The following PDE3A variants were observed in gnomAD, a reference collection of about 807,000 sequenced individuals.
PDE3A encodes phosphodiesterase 3A.
A neutral mutation model predicts 98.3 loss-of-function variants in PDE3A; 43 were observed. That is an observed-to-expected ratio of 0.44 (90% CI 0.34 to 0.56). The LOEUF (loss-of-function observed/expected upper bound fraction) is 0.56, where lower values mean the gene tolerates loss of function less well. Among genes scored for constraint, PDE3A ranks in the 20% least tolerant of loss-of-function variants. The probability of loss-of-function intolerance (pLI) is 0.01; values close to 1 mark genes in which losing one functional copy is unlikely to be tolerated. For missense variants in PDE3A, 1,427 were observed against 1,440.7 expected (o/e 0.99, Z 0.15); for synonymous variants, 663 against 567.9 (o/e 1.17, Z -2.38).
intron 2 of PDE3A, among the ~76,000 whole-genome samples, chr12:20,580,522 A>C (rs1943038331): frequency 6.6e-6 from 1 of 152,174 alleles, no homozygotes; most frequent in African/African-American, 2.4e-5. Context: ...AAAAGTCATA[A>C]CCACACTGGT....
At chr12:20,578,979 A>T (rs1943003530) in intron 2 of PDE3A, among the ~76,000 whole-genome samples, 1 of 152,096 alleles carries the variant, frequency 6.6e-6, no homozygotes, top group Non-Finnish European at 1.5e-5. Flanking sequence ...TATGCTAATA[A>T]CTACACCATC....
At chr12:20,645,183 C>G (rs67010489) in intron 10 of PDE3A, among the ~76,000 whole-genome samples, 66,215 of 151,918 alleles carry the variant, frequency 0.44, 14,654 homozygotes, top group South Asian at 0.56. Flanking sequence ...GCCACTGCAC[C>G]TGGCCAGAGT....
At chr12:20,409,358 A>G (rs1159038927) in intron 1 of PDE3A, among the ~76,000 whole-genome samples, 1 of 152,102 alleles carries the variant, frequency 6.6e-6, no homozygotes, top group East Asian at 1.9e-4. Flanking sequence ...TTTCTAGAAA[A>G]CTGTATTTCT....
chr12:20,568,842 G>T (rs1393232716), intron 2 of PDE3A, among the ~76,000 whole-genome samples: 1 of 151,986 alleles, frequency 6.6e-6, no homozygotes, highest in Non-Finnish European at 1.5e-5. Flanking sequence ...TATGGATAAA[G>T]AAGTAGTTTA....
At chr12:20,537,697 T>G (rs1373358665) in intron 1 of PDE3A, among the ~76,000 whole-genome samples, 1 of 152,096 alleles carries the variant, frequency 6.6e-6, no homozygotes, top group Non-Finnish European at 1.5e-5. Flanking sequence ...AAAAATAACA[T>G]GTCTAGCCCA....
chr12:20,527,525 C>T (rs1946546665), intron 1 of PDE3A, among the ~76,000 whole-genome samples: 1 of 152,118 alleles, frequency 6.6e-6, no homozygotes, highest in Admixed American at 6.5e-5. Flanking sequence ...GGTCCTCTCT[C>T]CTCCCAACCT....
chr12:20,466,870 T>C (rs1391207500), intron 1 of PDE3A, among the ~76,000 whole-genome samples: 1 of 152,222 alleles, frequency 6.6e-6, no homozygotes, highest in East Asian at 1.9e-4. Flanking sequence ...ATTTTTTGTT[T>C]GAAAGATAAA....
At chr12:20,588,725 TG>T (rs371861566) in intron 2 of PDE3A, among the ~76,000 whole-genome samples, 3 of 152,178 alleles carry the variant, frequency 2.0e-5, no homozygotes, top group East Asian at 3.9e-4. Context: ...TCCGATAATC[TG>T]GGGCCCTATA....
intron 1 of PDE3A, among the ~76,000 whole-genome samples, chr12:20,437,173 A>G (rs1297257257): frequency 1.3e-5 from 2 of 152,090 alleles, no homozygotes; most frequent in Admixed American, 6.5e-5. Context: ...AAATAAATCA[A>G]CTTTGAGACT....
At chr12:20,647,326 T>C (rs1038489690) in intron 12 of PDE3A, among the ~76,000 whole-genome samples, 6 of 152,214 alleles carry the variant, frequency 3.9e-5, no homozygotes, top group Non-Finnish European at 8.8e-5. Context: ...TGTATATAAA[T>C]ACCATTCCTT....
At chr12:20,534,142 T>G (rs1354141148) in intron 1 of PDE3A, among the ~76,000 whole-genome samples, 1 of 152,168 alleles carries the variant, frequency 6.6e-6, no homozygotes, top group Non-Finnish European at 1.5e-5. Flanking sequence ...AAACAGATAC[T>G]TTAAGGGTTA....
At position 20,646,967 on chromosome 12, in the gene PDE3A, T is replaced by C; in HGVS notation, c.2565+17T>C. On this transcript the variant is annotated intron_variant, in intron 12 of 15. Transcript: ENST00000359062. ...GCTCCTCAGGTAAATCTTTAGATTT[T>C]GGTTAGGAGAACTAATTTAAAGATT... 6.4e-7 allele frequency: 1 copy of C among 1,567,308 alleles called. No individual in the cohort carries two copies. Among genetic ancestry groups the C allele is most frequent in the African/African-American group, 1.4e-5 (1 of 74,010 alleles).
chr12:20,607,164 C>T (rs141793006), intron 2 of PDE3A, among the ~76,000 whole-genome samples: 157 of 151,668 alleles, frequency 1.0e-3, no homozygotes, highest in African/African-American at 3.6e-3. Context: ...CTCAGTCGGG[C>T]GCGGTGGCTA....
At chr12:20,481,117 T>C (rs1227024909) in intron 1 of PDE3A, among the ~76,000 whole-genome samples, 4 of 152,224 alleles carry the variant, frequency 2.6e-5, no homozygotes, top group African/African-American at 9.7e-5. Context: ...GAAAACTTGA[T>C]TGAATGCTTT....
rs1392247219 is a variant in PDE3A, at chr12:20,618,276, T to G, written c.1424+1892T>G. ...TACCACCACTAAATACAGCTAGTTTTGGCTTGATTATAAATCACAGTCAAA... is the reference window on the plus strand; with the variant it reads ...TACCACCACTAAATACAGCTAGTTTGGGCTTGATTATAAATCACAGTCAAA... On this transcript the variant is annotated intron_variant, in intron 4 of 15. Coordinates refer to ENST00000359062, the MANE Select transcript of PDE3A (RefSeq NM_000921.5). Among the ~76,000 whole-genome samples, 7 of 152,302 alleles carry G rather than the reference T, an allele frequency of 4.6e-5. No individual in the cohort carries two copies. The East Asian group carries it at 1.4e-3, about 29-fold the overall frequency.
At chr12:20,534,663 G>T (rs1368363036) in intron 1 of PDE3A, among the ~76,000 whole-genome samples, 1 of 151,974 alleles carries the variant, frequency 6.6e-6, no homozygotes, top group African/African-American at 2.4e-5. Context: ...CGCTGTTAAG[G>T]GGGCTCAGGC....
intron 15 of PDE3A, among the ~76,000 whole-genome samples, chr12:20,676,647 A>G (rs7135236): frequency 0.63 from 95,373 of 151,490 alleles, 30,333 homozygotes; most frequent in East Asian, 0.79. Flanking sequence ...CTACAGGCAC[A>G]CGCCACCATG....
chr12:20,636,798 A>G lies in PDE3A; in HGVS notation c.2002-302A>G, dbSNP rs563583815. On this transcript the variant is annotated intron_variant, in intron 8 of 15. Coordinates refer to ENST00000359062, the MANE Select transcript of PDE3A (RefSeq NM_000921.5). The stretch of plus-strand genomic sequence containing the variant: ...TTTAAGAACCTTGCAGTAGTCCCAA[A>G]GTAGTTATACTAACTTATAGAAGAA... 1.6e-3 allele frequency among the ~76,000 whole-genome samples: 237 copies of G among 152,348 alleles called. 1 individual carries two copies. The highest frequency in any genetic ancestry group is 5.3e-3 in the African/African-American group (222 of 41,588).
intron 7 of PDE3A, 147 bp from the exon 8 acceptor site, chr12:20,634,755 C>G: frequency 1.6e-6 from 1 of 633,010 alleles, no homozygotes; most frequent in East Asian, 2.7e-5. Context: ...TGTTCTCCAC[C>G]CTATGATCCT....
Sources: gnomAD v4.1 joint callset for allele counts (sites outside exome capture counted in the v4.1 genomes callset) on GRCh38, gnomAD v4.1.1 for gene constraint, MANE v1.5 for transcripts, NCBI Gene and HGNC (gene_info 2026-07-23, HGNC 2026-07-21) for gene names.